ENTPD1: variants seen among roughly 807,000 people sequenced by gnomAD.
ENTPD1 encodes the protein ATP diphosphohydrolase.
Under a neutral mutation model 57.0 loss-of-function variants are expected in ENTPD1, and 33 were observed. That is an observed-to-expected ratio of 0.58 (90% CI 0.44 to 0.77). The LOEUF (loss-of-function observed/expected upper bound fraction) is 0.77. Among genes scored for constraint, ENTPD1 ranks in the 30% least tolerant of loss-of-function variants. The probability of loss-of-function intolerance (pLI) is 0.00; values close to 1 mark genes in which losing one functional copy is unlikely to be tolerated. For missense variants in ENTPD1, 501 were observed against 603.4 expected (o/e 0.83, Z 1.78); for synonymous variants, 202 against 218.8 (o/e 0.92, Z 0.68).
At chr10:95,718,712 C>T (rs923748141) in intron 1 of ENTPD1, among the ~76,000 whole-genome samples, 1 of 152,120 alleles carries the variant, frequency 6.6e-6, no homozygotes, top group Admixed American at 6.5e-5. Flanking sequence ...GTTCCTGGAG[C>T]GAGGGGATTA....
At chr10:95,756,592 G>A (rs1479379616) in intron 1 of ENTPD1, 10 of 320,084 alleles carry the variant, frequency 3.1e-5, no homozygotes, top group Admixed American at 1.3e-4. Flanking sequence ...CTGCAGTCCG[G>A]ACTCATCTAG....
intron 3 of ENTPD1, among the ~76,000 whole-genome samples, chr10:95,840,483 T>C (rs926718596): frequency 2.0e-5 from 3 of 152,166 alleles, no homozygotes; most frequent in African/African-American, 7.2e-5. Flanking sequence ...TCAGCTTCTG[T>C]GTAGGCAGGA....
chr10:95,755,525 AAT>A, upstream of ENTPD1: 1 of 615,794 alleles, frequency 1.6e-6, no homozygotes, highest in South Asian at 2.1e-5. Flanking sequence ...AAAGTTGGGA[AAT>A]GGTGGATGAC....
rs1242114329 is a variant in ENTPD1 at position 95,874,865 on chromosome 10, T to G, written c.*8482T>G. On this transcript the variant is annotated 3_prime_UTR_variant, in exon 10 of 10. Coordinates refer to ENST00000371205, the MANE Select transcript of ENTPD1 (RefSeq NM_001776.6). ...GCCAATGCTTGGGGCCTCTACCCTC[T>G]GAAGCCACAGCCCAAGCTCTATGTT... Among the ~76,000 whole-genome samples, 2 of 152,268 alleles carry G rather than the reference T, an allele frequency of 1.3e-5. No individual in the cohort carries two copies. Among genetic ancestry groups the G allele is most frequent in the South Asian group, 4.1e-4 (2 of 4,836 alleles).
the ENTPD1 span, among the ~76,000 whole-genome samples, chr10:95,697,808 C>T: frequency 6.6e-6 from 1 of 152,192 alleles, no homozygotes; most frequent in African/African-American, 2.4e-5. Flanking sequence ...CTGTTTCAGG[C>T]ATTCTGTTAT....
intron 2 of ENTPD1, among the ~76,000 whole-genome samples, chr10:95,826,480 C>T (rs887643342): frequency 1.3e-5 from 2 of 149,064 alleles, no homozygotes; most frequent in South Asian, 4.3e-4. Flanking sequence ...AGCTGAGGTG[C>T]GAGAATCACT....
chr10:95,794,766 G>GAAGGGTA lies in ENTPD1; in HGVS notation c.17-28468_17-28462dup, dbSNP rs147547952. 2.6e-4 allele frequency among the ~76,000 whole-genome samples: 40 copies of GAAGGGTA among 152,284 alleles called. No homozygotes were observed. The East Asian group carries it at 7.3e-3, about 28-fold the overall frequency. On this transcript the variant is annotated intron_variant, in intron 1 of 9. Transcript: ENST00000371205. ...AGGAAGTGACTTTCTGTTGGGATCTGAAGGGTAAATAGGAAATAGCTAAGC... is the reference window on the plus strand; with the variant it reads ...AGGAAGTGACTTTCTGTTGGGATCTGAAGGGTAAAGGGTAAATAGGAAATAGCTAAGC...
At chr10:95,842,601 C>G in intron 4 of ENTPD1, 107 bp downstream of exon 4, 1 of 1,278,096 alleles carries the variant, frequency 7.8e-7, no homozygotes, top group Non-Finnish European at 1.1e-6. Context: ...CCAAGTTCTA[C>G]ACACCCAAGT....
intron 5 of ENTPD1, 77 bp downstream of exon 5, chr10:95,844,712 G>T: frequency 1.3e-6 from 2 of 1,549,484 alleles, no homozygotes; most frequent in East Asian, 2.2e-5. Context: ...TACTTGGGTC[G>T]CTAGCCAGAA....
chr10:95,821,007 C>T (rs1017549903), intron 1 of ENTPD1, among the ~76,000 whole-genome samples: 1 of 152,106 alleles, frequency 6.6e-6, no homozygotes, highest in Non-Finnish European at 1.5e-5. Flanking sequence ...GTAAAACATT[C>T]AAAATTTTAT....
intron 1 of ENTPD1, among the ~76,000 whole-genome samples, chr10:95,745,724 A>G (rs1279395941): frequency 1.3e-5 from 2 of 152,226 alleles, no homozygotes; most frequent in African/African-American, 4.8e-5. Context: ...TGGGTTAGAT[A>G]TTTGCCGTAG....
chr10:95,800,127 G>A (rs985702333), intron 1 of ENTPD1, among the ~76,000 whole-genome samples: 8 of 152,122 alleles, frequency 5.3e-5, no homozygotes, highest in African/African-American at 1.9e-4. Flanking sequence ...GGGGGAACCA[G>A]CCCCCAATAT....
chr10:95,805,216 T>C (rs2098267264), intron 1 of ENTPD1, among the ~76,000 whole-genome samples: 1 of 152,232 alleles, frequency 6.6e-6, no homozygotes, highest in Non-Finnish European at 1.5e-5. Flanking sequence ...GCTCTTCTTG[T>C]TGAATTGATC....
intron 1 of ENTPD1, among the ~76,000 whole-genome samples, chr10:95,811,204 T>A (rs2140446651): frequency 6.6e-6 from 1 of 152,288 alleles, no homozygotes; most frequent in African/African-American, 2.4e-5. Context: ...GTCTACCAAG[T>A]GAGACTTTAC....
chr10:95,860,076 C>G (rs2098462759), intron 7 of ENTPD1, among the ~76,000 whole-genome samples: 1 of 152,156 alleles, frequency 6.6e-6, no homozygotes, highest in Non-Finnish European at 1.5e-5. Context: ...ACCAATTTCG[C>G]TACTCAGAGA....
chr10:95,738,090 T>A lies in ENTPD1; in HGVS notation c.37+26097T>A, dbSNP rs116909083. On this transcript the variant is annotated intron_variant, in intron 1 of 9. Coordinates refer to the ENTPD1 transcript ENST00000453258. ...GAAGGAGACCAGGAGAGGATCCCAA[T>A]GTTCTGGAAAAGTCCCTGGCATATG... is the stretch of plus-strand genomic sequence containing the variant. Among the ~76,000 whole-genome samples, 72 of 152,266 alleles carry A rather than the reference T, an allele frequency of 4.7e-4. 2 individuals are homozygous for A. In the East Asian group the frequency reaches 0.013, roughly 28 times the overall value.
In ENTPD1 at chr10:95,872,428, A is replaced by G. The variant is rs1295352703; in HGVS notation, c.*6045A>G. 1.0e-6 allele frequency: 1 copy of G among 985,240 alleles called. No individual in the cohort carries two copies. Among genetic ancestry groups the G allele is most frequent in the Non-Finnish European group, 1.2e-6 (1 of 829,912 alleles). 61.0% of individuals were successfully genotyped at this position (985,240 alleles called of 1,614,324 possible). A position where few individuals can be genotyped will look rare whatever the true frequency, so the allele number is the denominator to read the frequency against. On this transcript the variant is annotated 3_prime_UTR_variant, in exon 10 of 10. Coordinates refer to ENST00000371205, the MANE Select transcript of ENTPD1 (RefSeq NM_001776.6). ...GCCAGGTAGAATGACTGTTCACCCAACACCACTCAGGTTGTCTTCTCAACT... is the reference window on the plus strand; with the variant it reads ...GCCAGGTAGAATGACTGTTCACCCAGCACCACTCAGGTTGTCTTCTCAACT...
At chr10:95,744,065 C>T (rs1163384059) in intron 1 of ENTPD1, among the ~76,000 whole-genome samples, 5 of 110,710 alleles carry the variant, frequency 4.5e-5, no homozygotes, top group Admixed American at 1.1e-4. Flanking sequence ...TACATTTATT[C>T]ATATGTATCC....
chr10:95,804,115 A>G (rs1205085582), intron 1 of ENTPD1, among the ~76,000 whole-genome samples: 1 of 152,140 alleles, frequency 6.6e-6, no homozygotes, highest in African/African-American at 2.4e-5. Context: ...GCCTTGTAGT[A>G]TAGTTTGAAG....
Sources: gnomAD v4.1 joint callset for allele counts (sites outside exome capture counted in the v4.1 genomes callset) on GRCh38, gnomAD v4.1.1 for gene constraint, MANE v1.5 for transcripts, NCBI Gene and HGNC (gene_info 2026-07-23, HGNC 2026-07-21) for gene names.